HLCS: variants seen among roughly 807,000 people sequenced by gnomAD.
HLCS encodes the protein biotin--protein ligase.
In HLCS, 53 loss-of-function variants were observed where a neutral mutation model predicts 75.0. That is an observed-to-expected ratio of 0.71 (90% confidence interval 0.57 to 0.89). The LOEUF is 0.89. Among genes scored for constraint, HLCS ranks in the 40% least tolerant of loss-of-function variants. The pLI, the probability that HLCS is intolerant of heterozygous loss-of-function variation, is 0.00. For missense variants in HLCS, 966 were observed against 1,074.0 expected, an observed-to-expected ratio of 0.90 and a Z score of 1.41; for synonymous variants, 431 against 428.6, an observed-to-expected ratio of 1.01 and a Z score of -0.07.
intron 1 of HLCS, among the ~76,000 whole-genome samples, chr21:36,984,931 T>C (rs1471652102): frequency 3.9e-5 from 6 of 152,082 alleles, no homozygotes; most frequent in African/African-American, 1.2e-4. Context: ...AACTGAAACC[T>C]TGGAAAGCAA....
intron 5 of HLCS, among the ~76,000 whole-genome samples, chr21:36,923,006 C>T (rs1456747713): frequency 6.6e-6 from 1 of 152,248 alleles, no homozygotes; most frequent in Non-Finnish European, 1.5e-5. Flanking sequence ...CTCCGCGGCC[C>T]GGGAGCGCCA....
At chr21:36,778,130 G>A (rs1038840846) in intron 6 of HLCS, among the ~76,000 whole-genome samples, 8 of 151,460 alleles carry the variant, frequency 5.3e-5, no homozygotes, top group South Asian at 2.1e-4. Flanking sequence ...CACCACGCCC[G>A]GCTAATTTTT....
intron 6 of HLCS, among the ~76,000 whole-genome samples, chr21:36,793,591 C>T (rs559279352): frequency 4.3e-4 from 65 of 152,226 alleles, no homozygotes; most frequent in Admixed American, 9.2e-4. Context: ...TGAGCCACCG[C>T]GCCCAGCCAG....
chr21:36,930,463 T>G (rs770633254), intron 4 of HLCS, 30 bp from the exon 5 acceptor site: 72 of 1,575,188 alleles, frequency 4.6e-5, no homozygotes, highest in Middle Eastern at 1.7e-4. Flanking sequence ...CTATGTAAAC[T>G]GAGGGCACTC....
intron 10 of HLCS, among the ~76,000 whole-genome samples, chr21:36,754,897 G>C (rs971766090): frequency 6.6e-6 from 1 of 152,114 alleles, no homozygotes; most frequent in African/African-American, 2.4e-5. Context: ...CTCAAGTCAC[G>C]TCCTTCTTAA....
intron 1 of HLCS, among the ~76,000 whole-genome samples, chr21:36,962,655 T>C (rs2068365069): frequency 6.6e-6 from 1 of 151,578 alleles, no homozygotes; most frequent in African/African-American, 2.4e-5. Flanking sequence ...GAGTTGGGCA[T>C]GGGGGTGGGT....
chr21:36,812,122 A>G (rs2061529438), intron 6 of HLCS, among the ~76,000 whole-genome samples: 1 of 152,172 alleles, frequency 6.6e-6, no homozygotes, highest in South Asian at 2.1e-4. Flanking sequence ...CACAAACATG[A>G]GGAAGCGCAT....
intron 5 of HLCS, among the ~76,000 whole-genome samples, chr21:36,916,870 G>A (rs1013264159): frequency 5.9e-5 from 9 of 152,214 alleles, no homozygotes; most frequent in East Asian, 1.9e-4. Flanking sequence ...AACTAGAGCC[G>A]TTCTCCTGGA....
At chr21:36,804,225 C>G (rs955866264) in intron 6 of HLCS, 2 of 152,330 alleles carry the variant, frequency 1.3e-5, no homozygotes, top group African/African-American at 4.8e-5. Flanking sequence ...GGGTTCAATG[C>G]AACGCTCCCA....
intron 6 of HLCS, among the ~76,000 whole-genome samples, chr21:36,813,601 A>G (rs1007995880): frequency 3.3e-5 from 5 of 152,242 alleles, no homozygotes; most frequent in Non-Finnish European, 7.3e-5. Flanking sequence ...CATAATTACA[A>G]GTTGGAAAAA....
intron 6 of HLCS, among the ~76,000 whole-genome samples, chr21:36,880,954 T>TTTTGTTTGTTTGTTTGTTTG (rs146652378): frequency 6.7e-6 from 1 of 150,094 alleles, no homozygotes; most frequent in Non-Finnish European, 1.5e-5. Context: ...AGCAGAGAGT[T>TTTTGTTTGTTTGTTTGTTTG]TTTGTTTGTT....
At chr21:36,827,958 C>T (rs530951961) in intron 6 of HLCS, among the ~76,000 whole-genome samples, 66 of 151,946 alleles carry the variant, frequency 4.3e-4, no homozygotes, top group African/African-American at 1.5e-3. Context: ...GGACTACAGG[C>T]TCCCGCCACC....
At chr21:36,878,918 T>C (rs1022811412) in intron 6 of HLCS, among the ~76,000 whole-genome samples, 1 of 152,198 alleles carries the variant, frequency 6.6e-6, no homozygotes, top group South Asian at 2.1e-4. Context: ...ACTTACTCTT[T>C]ATGTCACTCT....
intron 6 of HLCS, among the ~76,000 whole-genome samples, chr21:36,814,591 G>C (rs1294644312): frequency 1.3e-5 from 2 of 152,208 alleles, no homozygotes; most frequent in African/African-American, 4.8e-5. Context: ...TGGTAGTCCA[G>C]GAAGTAGAGA....
At chr21:36,922,125 T>C (rs2066197196) in intron 5 of HLCS, among the ~76,000 whole-genome samples, 1 of 152,186 alleles carries the variant, frequency 6.6e-6, no homozygotes, top group Admixed American at 6.5e-5. Flanking sequence ...GCCACGTTCC[T>C]CAATTCACGA....
chr21:36,838,950 A>T (rs2062519022), intron 6 of HLCS, among the ~76,000 whole-genome samples: 2 of 152,194 alleles, frequency 1.3e-5, no homozygotes, highest in African/African-American at 4.8e-5. Context: ...AATTATTTTC[A>T]GCTGTTTTAA....
At chr21:36,964,219 A>C (rs2068453238) in intron 1 of HLCS, among the ~76,000 whole-genome samples, 1 of 152,212 alleles carries the variant, frequency 6.6e-6, no homozygotes, top group Non-Finnish European at 1.5e-5. Flanking sequence ...AATGAGATCC[A>C]TCTCAACATA....
At chr21:36,905,034 T>C (rs1401435015) in intron 5 of HLCS, among the ~76,000 whole-genome samples, 1 of 152,250 alleles carries the variant, frequency 6.6e-6, no homozygotes, top group African/African-American at 2.4e-5. Context: ...AGGATGTCTC[T>C]GACCCACAGC....
intron 6 of HLCS, among the ~76,000 whole-genome samples, chr21:36,808,293 G>A (rs2061416825): frequency 6.6e-6 from 1 of 152,094 alleles, no homozygotes; most frequent in Non-Finnish European, 1.5e-5. Context: ...TTACTGAATA[G>A]CTCATCATAT....
Sources: gnomAD v4.1 joint callset for allele counts (sites outside exome capture counted in the v4.1 genomes callset) on GRCh38, gnomAD v4.1.1 for gene constraint, MANE v1.5 for transcripts, NCBI Gene and HGNC (gene_info 2026-07-23, HGNC 2026-07-21) for gene names.